ZNF385B: variants seen among roughly 807,000 people sequenced by gnomAD.
ZNF385B encodes the protein zinc finger protein 385B, also known as zinc finger protein 533.
A neutral mutation model predicts 39.2 loss-of-function variants in ZNF385B; 23 were observed. That is an observed-to-expected ratio of 0.59 (90% CI 0.42 to 0.83). The LOEUF is 0.83. Ranked by LOEUF, ZNF385B falls within the 40% of genes least tolerant of loss-of-function variation. The pLI is 0.00. For synonymous variants in ZNF385B, 205 were observed against 222.6 expected (o/e 0.92, Z 0.70); for missense variants, 552 against 598.9 (o/e 0.92, Z 0.82).
chr2:179,506,175 C>T (rs747298654), intron 5 of ZNF385B, among the ~76,000 whole-genome samples: 1 of 151,988 alleles, frequency 6.6e-6, no homozygotes, highest in Non-Finnish European at 1.5e-5. Flanking sequence ...AAACCTTGTG[C>T]CACTCAGATT....
chr2:179,798,459 T>C (rs1056029021), intron 1 of ZNF385B, among the ~76,000 whole-genome samples: 22 of 152,174 alleles, frequency 1.4e-4, no homozygotes, highest in African/African-American at 5.3e-4. Flanking sequence ...TTCATACTGA[T>C]ACTGTAATTC....
At chr2:179,842,681 T>A (rs1708597911) in intron 1 of ZNF385B, among the ~76,000 whole-genome samples, 1 of 151,940 alleles carries the variant, frequency 6.6e-6, no homozygotes, top group South Asian at 2.1e-4. Context: ...GAGGCCACCA[T>A]GAGCAGCCCT....
At chr2:179,479,071 A>T (rs902432548) in intron 6 of ZNF385B, among the ~76,000 whole-genome samples, 5 of 152,134 alleles carry the variant, frequency 3.3e-5, no homozygotes, top group Non-Finnish European at 7.3e-5. Flanking sequence ...ACTTCCTCTG[A>T]TGCATCATTA....
chr2:179,634,260 T>A (rs9745870), intron 3 of ZNF385B, among the ~76,000 whole-genome samples: 58,260 of 151,910 alleles, frequency 0.38, 11,355 homozygotes, highest in African/African-American at 0.46. Flanking sequence ...ATCAGAGTGA[T>A]CAGGCAACCT....
At chr2:179,807,893 T>TGAAAGAAAGAAAGAAAGAAAGAAA (rs139866166) in intron 1 of ZNF385B, among the ~76,000 whole-genome samples, 356 of 123,628 alleles carry the variant, frequency 2.9e-3, no homozygotes, top group African/African-American at 6.2e-3. Context: ...AGACTCCGTC[T>TGAAAGAAAGAAAGAAAGAAAGAAA]GAAAGAAAGA....
At chr2:179,840,535 C>T (rs1293939669) in intron 1 of ZNF385B, among the ~76,000 whole-genome samples, 1 of 152,116 alleles carries the variant, frequency 6.6e-6, no homozygotes, top group African/African-American at 2.4e-5. Flanking sequence ...TACCATAATC[C>T]AGGAGAGAGA....
intron 1 of ZNF385B, among the ~76,000 whole-genome samples, chr2:179,784,978 C>T (rs1704901719): frequency 6.6e-6 from 1 of 152,050 alleles, no homozygotes. Flanking sequence ...CAAATGGATA[C>T]ATATTCACTA....
At chr2:179,466,700 C>G (rs1181436597) in intron 6 of ZNF385B, among the ~76,000 whole-genome samples, 2 of 151,640 alleles carry the variant, frequency 1.3e-5, no homozygotes, top group African/African-American at 4.8e-5. Context: ...GTGGGCAGAT[C>G]ATTTGAGGTC....
chr2:179,584,098 T>C (rs2106045294), intron 3 of ZNF385B: 1 of 480,598 alleles, frequency 2.1e-6, no homozygotes, highest in East Asian at 6.9e-5. Context: ...AGTAGGTAAT[T>C]ACATTAGAGC....
At chr2:179,602,001 C>T (rs371050436) in intron 3 of ZNF385B, among the ~76,000 whole-genome samples, 2 of 152,086 alleles carry the variant, frequency 1.3e-5, no homozygotes, top group African/African-American at 2.4e-5. Flanking sequence ...AACTAACCTA[C>T]AATTCTCATC....
At chr2:179,477,481 C>G (rs563922692) in intron 6 of ZNF385B, among the ~76,000 whole-genome samples, 2 of 152,184 alleles carry the variant, frequency 1.3e-5, no homozygotes, top group Non-Finnish European at 2.9e-5. Context: ...TGTTACCTCA[C>G]GGTCTCCATA....
At chr2:179,664,679 T>C (rs1204162840) in intron 3 of ZNF385B, among the ~76,000 whole-genome samples, 9 of 152,256 alleles carry the variant, frequency 5.9e-5, no homozygotes, top group South Asian at 4.1e-4. Context: ...TTATAAAATA[T>C]ATTAAGTGAT....
Position 179,554,851 on chromosome 2 carries a change from T to C in ZNF385B, c.299-9882A>G, listed in dbSNP as rs900883564. On this transcript the variant is annotated intron_variant, in intron 3 of 9. Transcript: ENST00000410066. Reference sequence around the variant, plus strand: ...TCAATTTGATGAAGAAAGATGAAGATAATATTAAGTGTCGACAAGGATACA... The same window carrying C: ...TCAATTTGATGAAGAAAGATGAAGACAATATTAAGTGTCGACAAGGATACA... 3.4e-5 allele frequency among the ~76,000 whole-genome samples: 5 copies of C among 149,240 alleles called. 1 individual carries two copies. The highest frequency in any genetic ancestry group is 1.3e-4 in the African/African-American group (5 of 39,594).
rs189846976 is a variant in ZNF385B, at chr2:179,775,048, T to C, written c.-154-4376A>G. ...CATTTAACTATGTTGAAATGCCTTGTACTGCCTCCTGATCTTCTGCTGCAA... is the reference window on the plus strand; with the variant it reads ...CATTTAACTATGTTGAAATGCCTTGCACTGCCTCCTGATCTTCTGCTGCAA... On this transcript the variant is annotated intron_variant, in intron 1 of 9. Transcript: ENST00000410066. 7.9e-5 allele frequency among the ~76,000 whole-genome samples: 12 copies of C among 152,344 alleles called. No individual in the cohort carries two copies. The East Asian group carries it at 2.3e-3, about 29-fold the overall frequency.
chr2:179,475,517 T>C (rs1008964080), intron 6 of ZNF385B, among the ~76,000 whole-genome samples: 5 of 151,914 alleles, frequency 3.3e-5, no homozygotes, highest in African/African-American at 1.2e-4. Flanking sequence ...TCCAAAGTGC[T>C]GGGATTACAG....
intron 3 of ZNF385B, among the ~76,000 whole-genome samples, chr2:179,659,697 G>C (rs377380062): frequency 6.6e-5 from 10 of 152,086 alleles, no homozygotes; most frequent in African/African-American, 2.4e-4. Context: ...TTTAGAATAC[G>C]TATCAGAGCA....
chr2:179,738,309 C>T (rs777987962), intron 3 of ZNF385B, among the ~76,000 whole-genome samples: 3 of 152,174 alleles, frequency 2.0e-5, no homozygotes, highest in Non-Finnish European at 4.4e-5. Context: ...TGATAAGGTA[C>T]TCAGTGCACC....
At chr2:179,651,992 T>C (rs1348025585) in intron 3 of ZNF385B, among the ~76,000 whole-genome samples, 1 of 152,146 alleles carries the variant, frequency 6.6e-6, no homozygotes, top group African/African-American at 2.4e-5. Context: ...CCAAATTGTG[T>C]GCCAAAACTG....
At chr2:179,451,479 T>TA (rs1488719288) in intron 6 of ZNF385B, among the ~76,000 whole-genome samples, 1 of 152,076 alleles carries the variant, frequency 6.6e-6, no homozygotes, top group Admixed American at 6.6e-5. Flanking sequence ...AAACATATAC[T>TA]AAGGGCAGAC....
Sources: allele counts gnomAD v4.1 joint callset (sites outside exome capture counted in the v4.1 genomes callset), GRCh38; gene constraint gnomAD v4.1.1; transcripts MANE v1.5; gene names NCBI Gene and HGNC (gene_info 2026-07-23, HGNC 2026-07-21).